The following GRIP1 variants were observed in gnomAD, a reference collection of about 807,000 sequenced individuals.
GRIP1 encodes the protein glutamate receptor-interacting protein 1.
In GRIP1, 45 loss-of-function variants were observed where a neutral mutation model predicts 129.9. The ratio of observed to expected loss-of-function variants is 0.35; its 90% CI spans 0.27 to 0.44. The LOEUF (loss-of-function observed/expected upper bound fraction) is 0.44, where lower values mean the gene tolerates loss of function less well. Ranked by LOEUF, GRIP1 falls within the 20% of genes least tolerant of loss-of-function variation. The pLI, the probability that GRIP1 is intolerant of heterozygous loss-of-function variation, is 1.00. For synonymous variants in GRIP1, 530 were observed against 520.8 expected, an observed-to-expected ratio of 1.02 and a Z score of -0.24; for missense variants, 1,196 against 1,396.8, an observed-to-expected ratio of 0.86 and a Z score of 2.29.
chr12:66,778,404 G>C (rs2038055904), intron 1 of GRIP1, among the ~76,000 whole-genome samples: 1 of 152,140 alleles, frequency 6.6e-6, no homozygotes, highest in Non-Finnish European at 1.5e-5. Flanking sequence ...GCCAGTAAAT[G>C]GGGATATGAT....
At chr12:66,622,341 C>A (rs147675455) in intron 1 of GRIP1, among the ~76,000 whole-genome samples, 1 of 151,734 alleles carries the variant, frequency 6.6e-6, no homozygotes, top group East Asian at 1.9e-4. Flanking sequence ...TGAATAAGAT[C>A]TAATAAGATC....
intron 1 of GRIP1, among the ~76,000 whole-genome samples, chr12:67,050,472 T>C (rs1592516553): frequency 1.3e-5 from 2 of 152,274 alleles, no homozygotes; most frequent in South Asian, 4.1e-4. Flanking sequence ...GCATATGACA[T>C]GTAGTAGGGC....
intron 18 of GRIP1, 86 bp downstream of exon 18, chr12:66,392,591 A>G: frequency 6.3e-7 from 1 of 1,580,636 alleles, no homozygotes. Flanking sequence ...TTGTTTCCCT[A>G]GAATTACACA....
At chr12:66,766,907 C>T (rs957023726) in intron 1 of GRIP1, among the ~76,000 whole-genome samples, 2 of 152,112 alleles carry the variant, frequency 1.3e-5, no homozygotes, top group African/African-American at 4.8e-5. Flanking sequence ...GCAAACATTC[C>T]CTATGGATAA....
At chr12:66,960,816 G>A (rs1441092672) in intron 1 of GRIP1, among the ~76,000 whole-genome samples, 2 of 152,116 alleles carry the variant, frequency 1.3e-5, no homozygotes, top group African/African-American at 4.8e-5. Flanking sequence ...TGTCAGTAGT[G>A]CCAAGGCTGA....
At chr12:66,793,163 T>C (rs2038594638) in intron 1 of GRIP1, among the ~76,000 whole-genome samples, 1 of 152,220 alleles carries the variant, frequency 6.6e-6, no homozygotes. Context: ...ACATTTTTGT[T>C]TATATAGATG....
chr12:66,862,288 G>T (rs2040126341), intron 1 of GRIP1, among the ~76,000 whole-genome samples: 1 of 151,966 alleles, frequency 6.6e-6, no homozygotes, highest in African/African-American at 2.4e-5. Context: ...GTACTTTAGA[G>T]GAACATTAAG....
At chr12:66,808,973 T>A (rs1422705755), upstream of GRIP1, among the ~76,000 whole-genome samples, 1 of 152,318 alleles carries the variant, frequency 6.6e-6, no homozygotes. Context: ...TTATAATAAA[T>A]TGGTTATCAG....
At chr12:66,755,142 A>C (rs1020446991) in intron 1 of GRIP1, among the ~76,000 whole-genome samples, 6 of 152,206 alleles carry the variant, frequency 3.9e-5, no homozygotes, top group Non-Finnish European at 1.5e-5. Context: ...TCCTATTAAA[A>C]AAATTCCAGA....
intron 7 of GRIP1, among the ~76,000 whole-genome samples, chr12:66,507,969 A>G (rs546269655): frequency 6.6e-6 from 1 of 152,296 alleles, no homozygotes; most frequent in Admixed American, 6.5e-5. Flanking sequence ...AAATGATAAA[A>G]CTTTTCTCAG....
chr12:66,420,275 T>C (rs1001410004), intron 15 of GRIP1, among the ~76,000 whole-genome samples: 2 of 152,130 alleles, frequency 1.3e-5, no homozygotes, highest in African/African-American at 2.4e-5. Context: ...TTTGATGGTA[T>C]ATGGGCCAAA....
chr12:66,650,561 T>G (rs902999372), intron 1 of GRIP1, among the ~76,000 whole-genome samples: 4 of 152,196 alleles, frequency 2.6e-5, no homozygotes, highest in Non-Finnish European at 4.4e-5. Context: ...ACACATTATC[T>G]CAATCACTGG....
At chr12:66,617,166 C>T (rs2065078734) in intron 1 of GRIP1, among the ~76,000 whole-genome samples, 2 of 143,540 alleles carry the variant, frequency 1.4e-5, no homozygotes, top group South Asian at 4.4e-4. Flanking sequence ...AGAGTTATAA[C>T]TGTAGGTCCC....
Position 66,396,861 on chromosome 12 carries a change from A to T in GRIP1, c.1985-2509T>A, listed in dbSNP as rs1003996309. Among the ~76,000 whole-genome samples, 5 of 152,250 alleles carry T rather than the reference A, an allele frequency of 3.3e-5. No individual in the cohort carries two copies. In the South Asian group the frequency reaches 6.2e-4, roughly 19 times the overall value. ...TGCAGTGGCTCACACCTGTAATCCC[A>T]GCGCTTTGGGAGGCCAAGGTGGGTG... is the stretch of plus-strand genomic sequence containing the variant. On this transcript the variant is annotated intron_variant, in intron 16 of 24. Coordinates refer to ENST00000359742, the MANE Select transcript of GRIP1 (RefSeq NM_001366722.1).
At chr12:66,868,809 C>A (rs1427047396) in intron 1 of GRIP1, among the ~76,000 whole-genome samples, 2 of 152,034 alleles carry the variant, frequency 1.3e-5, no homozygotes, top group African/African-American at 2.4e-5. Flanking sequence ...ATAAATAAAT[C>A]CCCAGGAGTG....
chr12:67,042,123 A>C (rs1243691866), intron 1 of GRIP1, among the ~76,000 whole-genome samples: 1 of 152,102 alleles, frequency 6.6e-6, no homozygotes, highest in Non-Finnish European at 1.5e-5. Context: ...TCTCCCATCT[A>C]GTGCAGGTCA....
chr12:66,584,303 T>C (rs1201816217), intron 2 of GRIP1, among the ~76,000 whole-genome samples: 3 of 151,834 alleles, frequency 2.0e-5, no homozygotes, highest in African/African-American at 7.3e-5. Flanking sequence ...ATATACCTAA[T>C]GCTAGATGAC....
intron 1 of GRIP1, among the ~76,000 whole-genome samples, chr12:67,050,210 T>C (rs1286223670): frequency 6.6e-6 from 1 of 152,216 alleles, no homozygotes; most frequent in African/African-American, 2.4e-5. Context: ...TATAGAAATA[T>C]TAAATCTTCA....
At chr12:66,532,539 T>TCC (rs2061490746) in intron 4 of GRIP1, among the ~76,000 whole-genome samples, 1 of 152,176 alleles carries the variant, frequency 6.6e-6, no homozygotes, top group South Asian at 2.1e-4. Context: ...AGTTGTGAAC[T>TCC]TTCCTACCTC....
Sources: gnomAD v4.1 joint callset for allele counts (sites outside exome capture counted in the v4.1 genomes callset) on GRCh38, gnomAD v4.1.1 for gene constraint, MANE v1.5 for transcripts, NCBI Gene and HGNC (gene_info 2026-07-23, HGNC 2026-07-21) for gene names.